The following CSMD2 variants were observed in gnomAD, a reference collection of about 807,000 sequenced individuals.
CSMD2 encodes the protein CUB and sushi domain-containing protein 2.
CSMD2 carries 130 observed loss-of-function variants against 398.5 expected under a neutral mutation model. That is an observed-to-expected ratio of 0.33 (90% CI 0.28 to 0.38). The LOEUF is 0.38. Ranked by LOEUF, CSMD2 falls within the 10% of genes least tolerant of loss-of-function variation. CSMD2 has a pLI of 1.00. For missense variants in CSMD2, 3,829 were observed against 4,764.9 expected, an observed-to-expected ratio of 0.80 and a Z score of 5.78; for synonymous variants, 1,828 against 1,908.5, an observed-to-expected ratio of 0.96 and a Z score of 1.10.
Position 33,724,057 on chromosome 1 carries a change from T to C in CSMD2, c.3001+140A>G, listed in dbSNP as rs554492847. On this transcript the variant is annotated intron_variant, in intron 19 of 70. Transcript: ENST00000373381. ...AAAGGGATGAGAAGACTCTGGAAGT[T>C]TTCTTGTTGGTGAGAAAAGTTCAGA... 2.4e-4 allele frequency: 160 copies of C among 667,044 alleles called. No homozygotes were observed. The East Asian group carries it at 4.0e-3, about 17-fold the overall frequency. The allele number at this position is 667,044 out of a possible 1,614,324, so 41.3% of individuals were successfully genotyped here.
chr1:33,900,537 G>A (rs1340409591), intron 5 of CSMD2, among the ~76,000 whole-genome samples: 1 of 152,220 alleles, frequency 6.6e-6, no homozygotes, highest in East Asian at 1.9e-4. Context: ...AACACTTTGG[G>A]AGGCCATGGT....
chr1:33,908,456 G>A (rs993909229), intron 5 of CSMD2, among the ~76,000 whole-genome samples: 1 of 152,230 alleles, frequency 6.6e-6, no homozygotes, highest in Non-Finnish European at 1.5e-5. Flanking sequence ...TTTGTTCTCT[G>A]GTGCCCTTCA....
chr1:34,078,344 G>C (rs1656671254), intron 2 of CSMD2, among the ~76,000 whole-genome samples: 1 of 152,076 alleles, frequency 6.6e-6, no homozygotes, highest in African/African-American at 2.4e-5. Flanking sequence ...CTGTTCCTGA[G>C]CTCAGTGACT....
chr1:33,603,050 G>A (rs1640333470), intron 42 of CSMD2, among the ~76,000 whole-genome samples: 1 of 152,138 alleles, frequency 6.6e-6, no homozygotes, highest in African/African-American at 2.4e-5. Flanking sequence ...ATAGCTGAAC[G>A]ATGTATTGAG....
At chr1:33,806,622 A>G (rs986394974) in intron 10 of CSMD2, among the ~76,000 whole-genome samples, 6 of 152,236 alleles carry the variant, frequency 3.9e-5, no homozygotes, top group Non-Finnish European at 7.3e-5. Flanking sequence ...CAAAATATAA[A>G]ATAAGTATGT....
intron 1 of CSMD2, among the ~76,000 whole-genome samples, chr1:34,098,423 A>G (rs1027936214): frequency 4.0e-5 from 6 of 150,094 alleles, no homozygotes; most frequent in Non-Finnish European, 8.9e-5. Context: ...TAATAAAAAA[A>G]TAAATAAATA....
chr1:33,792,083 G>A (rs140587814), intron 11 of CSMD2, among the ~76,000 whole-genome samples: 7 of 152,268 alleles, frequency 4.6e-5, no homozygotes, highest in Non-Finnish European at 8.8e-5. Context: ...GATGTGGCCT[G>A]GAGTAAAAAC....
rs1012575641 is a variant in CSMD2 at position 33,580,820 on chromosome 1, G to C, written c.7320C>G (p.Asn2440Lys). The change falls in exon 48 of 71, where the codon AAC becomes AAG. Residue 2440 changes from asparagine to lysine, a missense_variant. Transcript: ENST00000373381. ...SAPLIVTSSS[N>K]SVYLRWSSDH... ...CAGATGACCAACGCAGGTACACAGA[G>C]TTGCTTGAGCTGGTGACAATCAGGG... 1 of 1,614,074 alleles carries C rather than the reference G, an allele frequency of 6.2e-7. No homozygotes were observed. Among genetic ancestry groups the C allele is most frequent in the African/African-American group, 1.3e-5 (1 of 74,946 alleles).
At chr1:33,669,323 A>C (rs1644415135) in intron 25 of CSMD2, among the ~76,000 whole-genome samples, 1 of 152,242 alleles carries the variant, frequency 6.6e-6, no homozygotes, top group Admixed American at 6.5e-5. Context: ...AAGAGGGAAA[A>C]GCAAATTAAG....
intron 24 of CSMD2, among the ~76,000 whole-genome samples, 174 bp downstream of exon 24, chr1:33,698,579 T>C (rs767716606): frequency 4.5e-4 from 68 of 152,060 alleles, no homozygotes; most frequent in Non-Finnish European, 8.2e-4. Context: ...GGTGTGAAAG[T>C]GAGGAAGTGG....
At chr1:33,821,345 C>T (rs916269609) in intron 7 of CSMD2, among the ~76,000 whole-genome samples, 1 of 152,156 alleles carries the variant, frequency 6.6e-6, no homozygotes, top group African/African-American at 2.4e-5. Flanking sequence ...GGTAGGCAAC[C>T]CTTTGGCCCC....
At chr1:33,618,098 G>C (rs981673402) in intron 37 of CSMD2, among the ~76,000 whole-genome samples, 3 of 152,108 alleles carry the variant, frequency 2.0e-5, no homozygotes, top group Admixed American at 2.0e-4. Context: ...CGATGCTCAG[G>C]GGCTCAGTTA....
intron 29 of CSMD2, among the ~76,000 whole-genome samples, chr1:33,639,352 A>C (rs560910388): frequency 6.6e-6 from 1 of 152,360 alleles, no homozygotes; most frequent in African/African-American, 2.4e-5. Context: ...ATTGGACCCT[A>C]GCTGGGAATG....
intron 3 of CSMD2, among the ~76,000 whole-genome samples, chr1:33,982,049 G>T (rs1039591902): frequency 1.3e-5 from 2 of 152,178 alleles, no homozygotes; most frequent in African/African-American, 2.4e-5. Context: ...AGCTACCATA[G>T]CTGTCCAGGT....
At chr1:33,903,533 G>T (rs1054405740) in intron 5 of CSMD2, among the ~76,000 whole-genome samples, 1 of 152,118 alleles carries the variant, frequency 6.6e-6, no homozygotes, top group Admixed American at 6.5e-5. Flanking sequence ...TGGTGGAGAG[G>T]CTCCATGTTA....
intron 2 of CSMD2, 70 bp from the exon 3 acceptor site, chr1:34,032,776 T>G (rs1413892431): frequency 9.5e-7 from 1 of 1,055,486 alleles, no homozygotes; most frequent in Non-Finnish European, 1.4e-6. Context: ...AAGCATTTAT[T>G]GAGTGCCTGC....
intron 3 of CSMD2, among the ~76,000 whole-genome samples, chr1:33,957,373 C>G (rs1220839287): frequency 6.6e-6 from 1 of 152,158 alleles, no homozygotes; most frequent in Admixed American, 6.5e-5. Context: ...AGACGTTGTA[C>G]TAGATGGCAG....
intron 44 of CSMD2, among the ~76,000 whole-genome samples, chr1:33,594,492 C>A (rs927950689): frequency 2.0e-5 from 3 of 152,158 alleles, no homozygotes; most frequent in African/African-American, 7.2e-5. Context: ...GAAAAAATTG[C>A]CAGCCTCTTT....
chr1:33,667,752 GA>G (rs1404116703), intron 25 of CSMD2, among the ~76,000 whole-genome samples: 29 of 152,228 alleles, frequency 1.9e-4, no homozygotes, highest in African/African-American at 6.5e-4. Flanking sequence ...CAGAAGAAGG[GA>G]GGAGAAGGCG....
Sources: allele counts gnomAD v4.1 joint callset (sites outside exome capture counted in the v4.1 genomes callset), GRCh38; gene constraint gnomAD v4.1.1; transcripts MANE v1.5; gene names NCBI Gene and HGNC (gene_info 2026-07-23, HGNC 2026-07-21).